MAN1C1: variants seen among roughly 807,000 people sequenced by gnomAD.
MAN1C1 encodes mannosyl-oligosaccharide 1,2-alpha-mannosidase IC.
A neutral mutation model predicts 71.5 loss-of-function variants in MAN1C1; 49 were observed. The ratio of observed to expected loss-of-function variants is 0.69; its 90% CI spans 0.54 to 0.87. MAN1C1 has a LOEUF of 0.87. Among genes scored for constraint, MAN1C1 ranks in the 40% least tolerant of loss-of-function variants. MAN1C1 has a pLI of 0.00. For synonymous variants in MAN1C1, 352 were observed against 343.7 expected (o/e 1.02, Z -0.27); for missense variants, 743 against 835.0 (o/e 0.89, Z 1.36).
At chr1:25,758,847 C>G in intron 6 of MAN1C1, 138 bp downstream of exon 6, 1 of 761,098 alleles carries the variant, frequency 1.3e-6, no homozygotes. Context: ...CAAGCTACCA[C>G]TAAGGTAGCA....
intron 2 of MAN1C1, among the ~76,000 whole-genome samples, chr1:25,727,165 G>A (rs931950338): frequency 3.3e-5 from 5 of 152,188 alleles, no homozygotes. Flanking sequence ...TTACTACCCA[G>A]TGGACTAGCT....
rs2045119747 is a variant in MAN1C1, at chr1:25,617,556, C to T, written c.-242C>T. The T allele has an allele frequency of 4.3e-6, 1 of 233,844 alleles. No individual in the cohort carries two copies. The highest frequency in any genetic ancestry group is 2.3e-5 in the African/African-American group (1 of 42,890). The allele number at this position is 233,844 out of a possible 1,614,324, so 14.5% of individuals were successfully genotyped here. ...GTCGCTGCGGGCCCGGGCCCCAAGC[C>T]GTGCCGCTCCGCTCGCCCGGGCCCC... On this transcript the variant is annotated 5_prime_UTR_variant, in exon 1 of 12. Transcript: ENST00000374332. This position sits in a 1 kb window ranked among gnomAD's most constrained non-coding sequence, Gnocchi z 5.1.
At position 25,744,504 on chromosome 1, in the gene MAN1C1, C is replaced by T. The variant is rs932720773; in HGVS notation, c.638-2164C>T. On this transcript the variant is annotated intron_variant, in intron 2 of 11. Transcript: ENST00000374332. ...AACTCCCTTCTGGTAATAGATTCTC[C>T]GACCTCCAGCCCATCCCAGGACACA... is the stretch of plus-strand genomic sequence containing the variant. Among the ~76,000 whole-genome samples, 4 of 151,800 alleles carry T rather than the reference C, an allele frequency of 2.6e-5. No homozygotes were observed. In the East Asian group the frequency reaches 5.8e-4, roughly 22 times the overall value.
In MAN1C1 at chr1:25,704,603, G is replaced by A. The variant is rs148383544; in HGVS notation, c.637+18067G>A. ...TGTAGAGGTGCTGGGTAAGCATCTT[G>A]TCAACTTTAACACAGCTGACAAAGT... On this transcript the variant is annotated intron_variant, in intron 2 of 11. Coordinates refer to ENST00000374332, the MANE Select transcript of MAN1C1 (RefSeq NM_020379.4). Among the ~76,000 whole-genome samples, 834 of 152,250 alleles carry A rather than the reference G, an allele frequency of 5.5e-3. 4 individuals carry two copies. The highest frequency in any genetic ancestry group is 7.9e-3 in the Non-Finnish European group (540 of 68,000).
At chr1:25,668,693 C>T (rs2045956340) in intron 1 of MAN1C1, among the ~76,000 whole-genome samples, 1 of 151,874 alleles carries the variant, frequency 6.6e-6, no homozygotes, top group Admixed American at 6.6e-5. Context: ...GTAGCTGGGA[C>T]TACAGACGCC....
Position 25,735,504 on chromosome 1 carries a change from G to GTATGTGTGTGTATATATATGTGTATGTA in MAN1C1, c.638-11156_638-11129dup, listed in dbSNP as rs1279579736. Among the ~76,000 whole-genome samples, 15 of 152,142 alleles carry GTATGTGTGTGTATATATATGTGTATGTA rather than the reference G, an allele frequency of 9.9e-5. No homozygotes were observed. Among genetic ancestry groups the GTATGTGTGTGTATATATATGTGTATGTA allele is most frequent in the African/African-American group, 3.4e-4 (14 of 41,420 alleles). On this transcript the variant is annotated intron_variant, in intron 2 of 11. Coordinates refer to ENST00000374332, the MANE Select transcript of MAN1C1 (RefSeq NM_020379.4). This position sits in a 1 kb window ranked among gnomAD's most constrained non-coding sequence, Gnocchi z 4.6. ...TATATATGTGTGTATATGTGTGTAT[G>GTATGTGTGTGTATATATATGTGTATGTA]TATGTGTGTGTATATATATGTGTAT...
intron 1 of MAN1C1, among the ~76,000 whole-genome samples, chr1:25,673,226 G>A (rs772941025): frequency 2.0e-5 from 3 of 152,136 alleles, no homozygotes; most frequent in African/African-American, 7.2e-5. Flanking sequence ...CGGGGCAGGC[G>A]GAGCACCTGC....
chr1:25,760,133 C>G (rs1197443453), intron 6 of MAN1C1: 2 of 152,274 alleles, frequency 1.3e-5, no homozygotes, highest in African/African-American at 4.8e-5. Flanking sequence ...ACTCCAGTCC[C>G]TGGTTATTCT....
In MAN1C1 at chr1:25,634,094, T is replaced by C. The variant is rs540690636; in HGVS notation, c.540+15757T>C. Among the ~76,000 whole-genome samples, 13 of 152,354 alleles carry C rather than the reference T, an allele frequency of 8.5e-5. No individual in the cohort carries two copies. Among genetic ancestry groups the C allele is most frequent in the East Asian group, 5.8e-4 (3 of 5,192 alleles). On this transcript the variant is annotated intron_variant, in intron 1 of 11. Coordinates refer to ENST00000374332, the MANE Select transcript of MAN1C1 (RefSeq NM_020379.4). This position sits in a 1 kb window ranked among gnomAD's most constrained non-coding sequence, Gnocchi z 4.6. ...ATTGATTTTGTATCATATGACCTTATTGAACCAATTTATTATGTATATATA... is the reference window on the plus strand; with the variant it reads ...ATTGATTTTGTATCATATGACCTTACTGAACCAATTTATTATGTATATATA...
In MAN1C1 at chr1:25,776,625, C is replaced by T. The variant is rs2047622531; in HGVS notation, c.1258-1480C>T. Among the ~76,000 whole-genome samples, 3 of 151,950 alleles carry T rather than the reference C, an allele frequency of 2.0e-5. No homozygotes were observed. Among genetic ancestry groups the T allele is most frequent in the Non-Finnish European group, 2.9e-5 (2 of 68,018 alleles). ...ATTCTCTGCACTAATGGGTGAGCTCCCTGAGGCAGAGTCCAGGCTCCTCTC... is the reference window on the plus strand; with the variant it reads ...ATTCTCTGCACTAATGGGTGAGCTCTCTGAGGCAGAGTCCAGGCTCCTCTC... On this transcript the variant is annotated intron_variant, in intron 8 of 11. Transcript: ENST00000374332. This position sits in a 1 kb window ranked among gnomAD's most constrained non-coding sequence, Gnocchi z 4.3.
chr1:25,733,044 G>A (rs540051024), intron 2 of MAN1C1, among the ~76,000 whole-genome samples: 2 of 152,304 alleles, frequency 1.3e-5, no homozygotes, highest in East Asian at 3.9e-4. Context: ...AAAGACAGCT[G>A]GAGGCTCCCC....
chr1:25,704,112 A>T (rs1293054869), intron 2 of MAN1C1, among the ~76,000 whole-genome samples: 1 of 152,152 alleles, frequency 6.6e-6, no homozygotes, highest in Non-Finnish European at 1.5e-5. Context: ...CCAGCCAGGA[A>T]AGCAGTCCCG....
chr1:25,690,005 C>T (rs959510616), intron 2 of MAN1C1, among the ~76,000 whole-genome samples: 2 of 152,218 alleles, frequency 1.3e-5, no homozygotes, highest in Non-Finnish European at 2.9e-5. Context: ...ATGCCCAAGC[C>T]TGGTCTCCTG....
chr1:25,683,651 A>AG (rs561719681), intron 1 of MAN1C1, among the ~76,000 whole-genome samples: 1 of 128,476 alleles, frequency 7.8e-6, no homozygotes, highest in African/African-American at 2.9e-5. Context: ...GGCAGTTGGC[A>AG]GGGGGGTGGG....
In MAN1C1 at chr1:25,779,582, C is replaced by T. The variant is rs1224021030; in HGVS notation, c.1477+1258C>T. 1.3e-5 allele frequency among the ~76,000 whole-genome samples: 2 copies of T among 152,204 alleles called. No individual in the cohort carries two copies. Among genetic ancestry groups the T allele is most frequent in the Non-Finnish European group, 2.9e-5 (2 of 68,040 alleles). ...CGCTATTTGTCTGAGACAATCAGCCCAGACCATAAAAGACAGCCGCTTAAT... is the reference window on the plus strand; with the variant it reads ...CGCTATTTGTCTGAGACAATCAGCCTAGACCATAAAAGACAGCCGCTTAAT... On this transcript the variant is annotated intron_variant, in intron 9 of 11. Transcript: ENST00000374332. The surrounding 1 kb of genome is among the most constrained non-coding windows in gnomAD (Gnocchi z 4.6).
chr1:25,648,429 T>A (rs573842860), intron 1 of MAN1C1, among the ~76,000 whole-genome samples: 1 of 152,228 alleles, frequency 6.6e-6, no homozygotes, highest in South Asian at 2.1e-4. Context: ...GGTCTTGGGG[T>A]CATAAGTTGC....
chr1:25,781,605 T>C (rs923983878), intron 10 of MAN1C1, among the ~76,000 whole-genome samples: 1 of 152,040 alleles, frequency 6.6e-6, no homozygotes, highest in African/African-American at 2.4e-5. Context: ...TAGGTGGAAA[T>C]TTAATGGCTG....
intron 7 of MAN1C1, among the ~76,000 whole-genome samples, chr1:25,767,682 TTACA>T (rs1363549886): frequency 3.2e-5 from 2 of 62,034 alleles, no homozygotes; most frequent in Non-Finnish European, 6.0e-5. Context: ...CACACTCTCC[TTACA>T]TACATCCACA....
At chr1:25,768,032 C>A (rs1239934562) in intron 7 of MAN1C1, among the ~76,000 whole-genome samples, 2 of 122,612 alleles carry the variant, frequency 1.6e-5, no homozygotes, top group African/African-American at 6.5e-5. Flanking sequence ...CACACCCACA[C>A]TCCCCTCACA....
Sources: gnomAD v4.1 joint callset for allele counts (sites outside exome capture counted in the v4.1 genomes callset) on GRCh38, gnomAD v4.1.1 for gene constraint, Gnocchi (gnomAD v3.1) non-coding constraint, MANE v1.5 for transcripts, NCBI Gene and HGNC (gene_info 2026-07-23, HGNC 2026-07-21) for gene names.